Variants in THOC2 observed in about 807,000 individuals in gnomAD.
THOC2 encodes THO complex subunit 2, also known as THO complex 2.
THOC2 carries 10 observed loss-of-function variants against 128.4 expected under a neutral mutation model. The ratio of observed to expected loss-of-function variants is 0.08; its 90% CI spans 0.05 to 0.13. The LOEUF (loss-of-function observed/expected upper bound fraction) is 0.13. Ranked by LOEUF, THOC2 falls within the 10% of genes least tolerant of loss-of-function variation. The probability of loss-of-function intolerance (pLI) is 1.00; values close to 1 mark genes in which losing one functional copy is unlikely to be tolerated. For synonymous variants in THOC2, 393 were observed against 396.9 expected, an observed-to-expected ratio of 0.99 and a Z score of 0.12; for missense variants, 535 against 1,155.7, an observed-to-expected ratio of 0.46 and a Z score of 7.79.
chrX:123,711,346 A>G (rs2051184739), intron 2 of THOC2, among the ~76,000 whole-genome samples: 1 of 109,432 alleles, frequency 9.1e-6, no homozygotes, highest in South Asian at 4.0e-4. Context: ...TGTTCTTTAA[A>G]AAGTATATCC....
chrX:123,612,129 T>C (rs79077905), intron 36 of THOC2, among the ~76,000 whole-genome samples: 1 of 111,590 alleles, frequency 9.0e-6, no homozygotes, highest in Admixed American at 9.6e-5. Flanking sequence ...CCTCAAAAAG[T>C]TAAACATAGA....
In THOC2 at chrX:123,684,393, G is replaced by T. The variant is rs185848714; in HGVS notation, c.768+2155C>A. ...TCTCTCTTTCCCAATACCAAGAGTG[G>T]ACTTTCTGAGACGGAGTTTTACTCT... On this transcript the variant is annotated intron_variant, in intron 8 of 38. Coordinates refer to ENST00000245838, the MANE Select transcript of THOC2 (RefSeq NM_001081550.2). 8.6e-4 allele frequency among the ~76,000 whole-genome samples: 96 copies of T among 111,648 alleles called. 2 individuals are homozygous for T. In the Middle Eastern group the frequency reaches 0.023, roughly 27 times the overall value.
At position 123,665,785 on chromosome X, in the gene THOC2, T is replaced by C; in HGVS notation, c.1243A>G (p.Lys415Glu). 8.3e-7 allele frequency: 1 copy of C among 1,200,529 alleles called. No homozygotes were observed. Among genetic ancestry groups the C allele is most frequent in the Middle Eastern group, 2.3e-4 (1 of 4,313 alleles). ...CTCTCAGCTTGTTTTGGTGCTCTCT[T>C]GTTTTGCAAAGCATTAACAGGTGAG... ...KGSPVNALQN[K>E]RAPKQAESFE... The change falls in exon 12 of 39, where the codon AAG becomes GAG. Residue 415 changes from lysine (K) to glutamate (E), a missense_variant. By Grantham distance (56) the Lys-to-Glu change is moderately conservative. Transcript: ENST00000245838.
At chrX:123,609,137 G>A (rs919262958) in intron 38 of THOC2, among the ~76,000 whole-genome samples, 2 of 111,720 alleles carry the variant, frequency 1.8e-5, no homozygotes, top group Non-Finnish European at 3.8e-5. Flanking sequence ...ATGAAAGGTG[G>A]GCTTTTTGTT....
chrX:123,662,048 C>CA (rs1158177843), intron 12 of THOC2, among the ~76,000 whole-genome samples: 2 of 112,020 alleles, frequency 1.8e-5, no homozygotes, highest in African/African-American at 6.5e-5. Context: ...TCAAATATTT[C>CA]AGATGTCAAG....
intron 38 of THOC2, 27 bp downstream of exon 38, chrX:123,610,891 G>A (rs776578577): frequency 8.6e-7 from 1 of 1,158,555 alleles, no homozygotes; most frequent in South Asian, 1.9e-5. Flanking sequence ...CTATCATTAA[G>A]TGAAAAGGTG....
Position 123,623,912 on chromosome X carries a change from C to G in THOC2, c.3378G>C (p.Val1126=). 1 of 1,210,080 alleles carries G rather than the reference C, an allele frequency of 8.3e-7. No individual in the cohort carries two copies. The highest frequency in any genetic ancestry group is 1.1e-6 in the Non-Finnish European group (1 of 894,870). ...GGTACCAAGGAAGTATTTTTGTTAG[C>G]ACAATCAAGATATTCCTGATGTGAG... ...EYTHIRNILI[V]LTKILPWYPK... is the part of the protein sequence containing the mutation. The change falls in exon 28 of 39, where the codon GTG becomes GTC. Residue 1126 remains valine (V), a synonymous_variant. Transcript: ENST00000245838.
chrX:123,650,331 T>C (rs992901048), intron 12 of THOC2, among the ~76,000 whole-genome samples: 4 of 111,815 alleles, frequency 3.6e-5, no homozygotes, highest in African/African-American at 6.5e-5. Context: ...AAGGAAAGAC[T>C]GAAACCAGCT....
chrX:123,603,569 C>T, intron 38 of THOC2: 3 of 892,708 alleles, frequency 3.4e-6, no homozygotes, highest in South Asian at 2.1e-5. Flanking sequence ...AAATCAGTGA[C>T]TTTGGAATGT....
chrX:123,653,344 C>T (rs755938299), intron 12 of THOC2, among the ~76,000 whole-genome samples: 5 of 111,699 alleles, frequency 4.5e-5, no homozygotes, highest in Non-Finnish European at 9.4e-5. Flanking sequence ...TAGGCAATAC[C>T]ATTTAGGACA....
At chrX:123,670,705 T>C (rs2049242050) in intron 9 of THOC2, among the ~76,000 whole-genome samples, 1 of 112,671 alleles carries the variant, frequency 8.9e-6, no homozygotes, top group Non-Finnish European at 1.9e-5. Context: ...TGGTCCTACT[T>C]GTCTATCAAG....
chrX:123,652,198 A>C (rs186993619), intron 12 of THOC2, among the ~76,000 whole-genome samples: 3 of 112,206 alleles, frequency 2.7e-5, no homozygotes, highest in African/African-American at 9.7e-5. Flanking sequence ...TTATCTCAAT[A>C]GATGCAGAAA....
At chrX:123,653,556 C>A (rs1217021655) in intron 12 of THOC2, among the ~76,000 whole-genome samples, 2 of 110,298 alleles carry the variant, frequency 1.8e-5, no homozygotes, top group African/African-American at 6.6e-5. Context: ...CTAGAAGGAA[C>A]TTAAACAAAT....
At chrX:123,695,390 G>A (rs1467892642) in intron 7 of THOC2, among the ~76,000 whole-genome samples, 1 of 112,123 alleles carries the variant, frequency 8.9e-6, no homozygotes, top group Non-Finnish European at 1.9e-5. Context: ...CAAATAAAAA[G>A]AAAACAGTAA....
At chrX:123,693,156 A>G (rs746303106) in intron 7 of THOC2, among the ~76,000 whole-genome samples, 2 of 112,516 alleles carry the variant, frequency 1.8e-5, no homozygotes, top group Non-Finnish European at 3.8e-5. Flanking sequence ...CTATTTTCAC[A>G]TCAATGAAAA....
chrX:123,661,107 A>T (rs1248559994), intron 12 of THOC2, among the ~76,000 whole-genome samples: 4 of 112,776 alleles, frequency 3.5e-5, no homozygotes, highest in Admixed American at 9.4e-5. Context: ...TGTGAAAGCT[A>T]AAAAAGTGGC....
chrX:123,623,609 A>G (rs1281708768), intron 28 of THOC2, 178 bp downstream of exon 28: 1 of 1,033,910 alleles, frequency 9.7e-7, no homozygotes, highest in South Asian at 2.0e-5. Context: ...TCCAGTATAG[A>G]CCGGAAGTTG....
intron 12 of THOC2, among the ~76,000 whole-genome samples, chrX:123,663,826 T>C (rs2048941499): frequency 9.0e-6 from 1 of 110,772 alleles, no homozygotes; most frequent in African/African-American, 3.3e-5. Flanking sequence ...TGTGTCCAAG[T>C]GTTCTCCTTG....
intron 36 of THOC2, among the ~76,000 whole-genome samples, chrX:123,612,846 G>A (rs955271109): frequency 1.8e-5 from 2 of 111,583 alleles, no homozygotes; most frequent in Admixed American, 1.9e-4. Flanking sequence ...TTATACTTTA[G>A]TAATGGCTTG....
Sources: gnomAD v4.1 joint callset for allele counts (sites outside exome capture counted in the v4.1 genomes callset) on GRCh38, gnomAD v4.1.1 for gene constraint, MANE v1.5 for transcripts, NCBI Gene and HGNC (gene_info 2026-07-23, HGNC 2026-07-21) for gene names.